The following MBNL1 variants were observed in gnomAD, a reference collection of about 807,000 sequenced individuals.
MBNL1 encodes muscleblind like splicing regulator 1.
A neutral mutation model predicts 42.2 loss-of-function variants in MBNL1; 8 were observed. That is an observed-to-expected ratio of 0.19 (90% CI 0.11 to 0.34). The LOEUF is 0.34. MBNL1 is among the 10% of genes least tolerant of loss of function. The probability of loss-of-function intolerance (pLI) is 1.00; values close to 1 mark genes in which losing one functional copy is unlikely to be tolerated. For missense variants in MBNL1, 309 were observed against 495.3 expected (o/e 0.62, Z 3.57); for synonymous variants, 169 against 173.9 (o/e 0.97, Z 0.22).
chr3:152,328,976 T>C (rs1435964131), intron 2 of MBNL1, among the ~76,000 whole-genome samples: 1 of 152,126 alleles, frequency 6.6e-6, no homozygotes, highest in Non-Finnish European at 1.5e-5. Context: ...AGTAAAATTA[T>C]AGAAGGAGCT....
intron 2 of MBNL1, among the ~76,000 whole-genome samples, chr3:152,310,313 A>G (rs1280849777): frequency 6.6e-6 from 1 of 152,218 alleles, no homozygotes; most frequent in Non-Finnish European, 1.5e-5. Context: ...ATCCTCATCT[A>G]TTGATTATAT....
chr3:152,312,711 A>G (rs1284407705), intron 2 of MBNL1, among the ~76,000 whole-genome samples: 1 of 152,184 alleles, frequency 6.6e-6, no homozygotes, highest in Non-Finnish European at 1.5e-5. Flanking sequence ...CATAGGGAAA[A>G]GTGACTGGTG....
intron 2 of MBNL1, among the ~76,000 whole-genome samples, chr3:152,307,230 C>T (rs1283956447): frequency 2.0e-5 from 3 of 152,172 alleles, no homozygotes; most frequent in Non-Finnish European, 2.9e-5. Context: ...CTCAGGTGAT[C>T]AGCCCGCCTT....
intron 2 of MBNL1, among the ~76,000 whole-genome samples, chr3:152,379,157 T>A (rs1047042200): frequency 1.3e-5 from 2 of 152,238 alleles, no homozygotes; most frequent in African/African-American, 4.8e-5. Flanking sequence ...TAAAAATTTG[T>A]CATATAAAGT....
At chr3:152,281,675 A>G (rs760206675) in intron 1 of MBNL1, among the ~76,000 whole-genome samples, 1 of 152,094 alleles carries the variant, frequency 6.6e-6, no homozygotes, top group African/African-American at 2.4e-5. Flanking sequence ...CACTCTGTCA[A>G]TTGCTCTGTT....
At chr3:152,388,025 C>T (rs1484165075) in intron 2 of MBNL1, among the ~76,000 whole-genome samples, 1 of 152,198 alleles carries the variant, frequency 6.6e-6, no homozygotes, top group African/African-American at 2.4e-5. Context: ...AATCCGTTCT[C>T]AGAACCACAG....
chr3:152,312,006 A>G (rs1472242422), intron 2 of MBNL1, among the ~76,000 whole-genome samples: 5 of 151,722 alleles, frequency 3.3e-5, no homozygotes, highest in Non-Finnish European at 7.4e-5. Context: ...CCGGCTAAAA[A>G]CGGTGAAACC....
At position 152,377,414 on chromosome 3, in the gene MBNL1, A is replaced by G. The variant is rs370200147; in HGVS notation, c.175-37527A>G. 3.9e-5 allele frequency among the ~76,000 whole-genome samples: 6 copies of G among 152,280 alleles called. No homozygotes were observed. In the South Asian group the frequency reaches 6.2e-4, roughly 16 times the overall value. ...GAACCGAAATTAAATTCAAGCCCCA[A>G]CACCTCCACTCGTCAGCCATAGACC... On this transcript the variant is annotated intron_variant, in intron 2 of 9. Coordinates refer to ENST00000324210, the MANE Select transcript of MBNL1 (RefSeq NM_021038.5).
intron 2 of MBNL1, among the ~76,000 whole-genome samples, chr3:152,344,291 A>T (rs1022535732): frequency 2.0e-5 from 3 of 152,144 alleles, no homozygotes; most frequent in Non-Finnish European, 2.9e-5. Context: ...TCGGACTATA[A>T]CACTACCTCT....
chr3:152,286,381 TTTAA>T (rs1246392928), intron 1 of MBNL1, among the ~76,000 whole-genome samples: 1,036 of 102,312 alleles, frequency 0.01, 15 homozygotes, highest in Non-Finnish European at 0.016. Flanking sequence ...AATATAAATA[TTTAA>T]TTATATTTTA....
chr3:152,449,510 G>T (rs764749892), intron 6 of MBNL1: 3 of 152,002 alleles, frequency 2.0e-5, no homozygotes, highest in Non-Finnish European at 4.4e-5. Flanking sequence ...AATGACTATA[G>T]TTTTTTTTCT....
At chr3:152,283,543 A>G (rs966877496) in intron 1 of MBNL1, among the ~76,000 whole-genome samples, 1 of 152,238 alleles carries the variant, frequency 6.6e-6, no homozygotes, top group African/African-American at 2.4e-5. Flanking sequence ...AGATTTCTTC[A>G]GATCCCATAC....
intron 2 of MBNL1, among the ~76,000 whole-genome samples, chr3:152,342,043 G>T (rs1257348671): frequency 6.6e-6 from 1 of 152,158 alleles, no homozygotes; most frequent in Admixed American, 6.5e-5. Flanking sequence ...TTGAGGTGTA[G>T]TTAGCATTAT....
intron 2 of MBNL1, among the ~76,000 whole-genome samples, chr3:152,335,912 CAG>C (rs2089694531): frequency 6.6e-6 from 1 of 152,130 alleles, no homozygotes. Context: ...CAACTTTTAA[CAG>C]ATTCATTTGA....
At chr3:152,434,278 C>T (rs909498716) in intron 4 of MBNL1, among the ~76,000 whole-genome samples, 10 of 152,194 alleles carry the variant, frequency 6.6e-5, no homozygotes, top group African/African-American at 1.9e-4. Context: ...CATTTAGCCC[C>T]CACTTACAAG....
chr3:152,306,498 G>A (rs1018443529), intron 2 of MBNL1, among the ~76,000 whole-genome samples: 8 of 152,152 alleles, frequency 5.3e-5, no homozygotes, highest in African/African-American at 1.7e-4. Context: ...ACTCAGCCCA[G>A]CCAGGCTCCT....
At chr3:152,435,839 C>T (rs745438227) in intron 4 of MBNL1, among the ~76,000 whole-genome samples, 2 of 152,082 alleles carry the variant, frequency 1.3e-5, no homozygotes, top group Non-Finnish European at 2.9e-5. Flanking sequence ...ATTTGGCTCT[C>T]GGCTTGGATG....
intron 2 of MBNL1, among the ~76,000 whole-genome samples, chr3:152,406,416 T>C (rs536395492): frequency 6.6e-6 from 1 of 152,302 alleles, no homozygotes; most frequent in South Asian, 2.1e-4. Context: ...CTGCAACAGT[T>C]GTATGTGTAT....
intron 1 of MBNL1, among the ~76,000 whole-genome samples, chr3:152,297,955 A>G (rs1356297856): frequency 6.6e-6 from 1 of 152,122 alleles, no homozygotes; most frequent in African/African-American, 2.4e-5. Flanking sequence ...AGCTTGATTG[A>G]TTTTTTAAAT....
Sources: allele counts gnomAD v4.1 joint callset (sites outside exome capture counted in the v4.1 genomes callset), GRCh38; gene constraint gnomAD v4.1.1; transcripts MANE v1.5; gene names NCBI Gene and HGNC (gene_info 2026-07-23, HGNC 2026-07-21).